ZNF157: variants seen among roughly 807,000 people sequenced by gnomAD.
ZNF157 encodes zinc finger protein 22.
In ZNF157, 8 loss-of-function variants were observed where a neutral mutation model predicts 9.4. That is an observed-to-expected ratio of 0.85 (90% CI 0.50 to 1.53). The LOEUF (loss-of-function observed/expected upper bound fraction) is 1.53, where lower values mean the gene tolerates loss of function less well. Among genes scored for constraint, ZNF157 ranks in the 40% most tolerant of loss-of-function variants. The pLI, the probability that ZNF157 is intolerant of heterozygous loss-of-function variation, is 0.00. For synonymous variants in ZNF157, 120 were observed against 130.8 expected (o/e 0.92, Z 0.56); for missense variants, 316 against 385.2 (o/e 0.82, Z 1.50).
chrX:47,403,949 C>T (rs1444139334), intron 1 of ZNF157, among the ~76,000 whole-genome samples: 1 of 111,008 alleles, frequency 9.0e-6, no homozygotes, highest in Admixed American at 9.6e-5. Context: ...GCGGGCAGAT[C>T]ACTTGAGGTC....
At chrX:47,410,908 G>A (rs1440854888) in intron 3 of ZNF157, 133 bp downstream of exon 3, 2 of 501,247 alleles carry the variant, frequency 4.0e-6, no homozygotes, top group Non-Finnish European at 6.6e-6. Flanking sequence ...TGAAAATAAG[G>A]ACGGAAGGTC....
At chrX:47,389,365 T>C (rs1029940987) in intron 1 of ZNF157, among the ~76,000 whole-genome samples, 6 of 106,799 alleles carry the variant, frequency 5.6e-5, no homozygotes, top group African/African-American at 1.7e-4. Context: ...TTTTTTTTTT[T>C]CCAAGACAGA....
In ZNF157 at chrX:47,412,448, G is replaced by A. The variant is rs374036718; in HGVS notation, c.375G>A (p.Gln125=). 1 of 1,211,995 alleles carries A rather than the reference G, an allele frequency of 8.3e-7. No individual in the cohort carries two copies. The change falls in exon 4 of 4, where the codon CAG becomes CAA. Residue 125 remains glutamine, a synonymous_variant. Coordinates refer to ENST00000377073, the MANE Select transcript of ZNF157 (RefSeq NM_003446.4). ...LRHDNDLLHH[Q]KIQTLDQNVE... ...ATGATAATGACCTTCTTCACCATCA[G>A]AAGATTCAAACATTGGATCAAAATG...
chrX:47,406,279 T>C (rs938345506), intron 1 of ZNF157, among the ~76,000 whole-genome samples: 2 of 110,189 alleles, frequency 1.8e-5, no homozygotes, highest in Non-Finnish European at 3.8e-5. Flanking sequence ...TTATTCGCGT[T>C]ACTGTTAAGC....
chrX:47,407,843 G>A (rs1392722784), intron 1 of ZNF157, among the ~76,000 whole-genome samples: 4 of 110,137 alleles, frequency 3.6e-5, no homozygotes, highest in Admixed American at 9.8e-5. Context: ...CTTTAAACTG[G>A]AAATGGCACT....
At chrX:47,411,538 AT>A (rs750474809) in intron 3 of ZNF157, among the ~76,000 whole-genome samples, 14 of 101,981 alleles carry the variant, frequency 1.4e-4, no homozygotes, top group East Asian at 3.1e-4. Context: ...TATTATTATT[AT>A]TTTTTTTTTG....
intron 1 of ZNF157, among the ~76,000 whole-genome samples, chrX:47,379,676 C>G (rs1355305893): frequency 9.6e-6 from 1 of 104,677 alleles, no homozygotes; most frequent in African/African-American, 3.5e-5. Flanking sequence ...CTTGGCCTCC[C>G]AGTTTTGAGT....
chrX:47,400,065 C>T (rs1479087609), intron 1 of ZNF157, among the ~76,000 whole-genome samples: 1 of 100,881 alleles, frequency 9.9e-6, no homozygotes, highest in Non-Finnish European at 2.0e-5. Context: ...GGCGCAATTT[C>T]GGCTCACCAC....
At chrX:47,408,095 G>A (rs2055952636) in intron 1 of ZNF157, among the ~76,000 whole-genome samples, 1 of 107,385 alleles carries the variant, frequency 9.3e-6, no homozygotes, top group South Asian at 3.8e-4. Flanking sequence ...CAAAGAGGAA[G>A]AAGGAAGAAA....
intron 1 of ZNF157, among the ~76,000 whole-genome samples, chrX:47,375,056 A>C (rs2147399640): frequency 1.4e-5 from 1 of 71,066 alleles, no homozygotes; most frequent in Non-Finnish European, 2.4e-5. Context: ...TTGCTCTGTC[A>C]CCCAGGCTGG....
chrX:47,375,393 C>T (rs1194343630), intron 1 of ZNF157, among the ~76,000 whole-genome samples: 1 of 102,220 alleles, frequency 9.8e-6, no homozygotes, highest in Non-Finnish European at 1.9e-5. Context: ...GTCACCTCCT[C>T]AACCCCCCCC....
chrX:47,385,437 A>G lies in ZNF157; in HGVS notation c.72+14697A>G, dbSNP rs765343246. Among the ~76,000 whole-genome samples the G allele has an allele frequency of 3.3e-4, 37 of 110,922 alleles. 1 individual carries two copies. The Admixed American group carries it at 3.4e-3, about 10-fold the overall frequency. ...GATTTTACGGTGTTACTCTAAGTCCAGTCCACCTAGCATTTCCAGTTGAGC... is the reference window on the plus strand; with the variant it reads ...GATTTTACGGTGTTACTCTAAGTCCGGTCCACCTAGCATTTCCAGTTGAGC... On this transcript the variant is annotated intron_variant, in intron 1 of 3. Coordinates refer to ENST00000377073, the MANE Select transcript of ZNF157 (RefSeq NM_003446.4).
intron 1 of ZNF157, among the ~76,000 whole-genome samples, chrX:47,375,548 G>T (rs1209948633): frequency 9.0e-6 from 1 of 111,056 alleles, no homozygotes; most frequent in Non-Finnish European, 1.9e-5. Context: ...GTACATAGGG[G>T]TTTTGGCAAA....
chrX:47,382,117 GA>G (rs2055865103), intron 1 of ZNF157, among the ~76,000 whole-genome samples: 1 of 109,355 alleles, frequency 9.1e-6, no homozygotes, highest in Admixed American at 9.9e-5. Context: ...TGTGAGAGGG[GA>G]TAGAATAGTC....
chrX:47,378,568 C>T (rs774540565), intron 1 of ZNF157, among the ~76,000 whole-genome samples: 3 of 112,139 alleles, frequency 2.7e-5, no homozygotes, highest in East Asian at 5.6e-4. Flanking sequence ...TCACGCTGGG[C>T]GCGGTGGCTC....
chrX:47,407,536 C>A (rs777345820), intron 1 of ZNF157, among the ~76,000 whole-genome samples: 6 of 111,828 alleles, frequency 5.4e-5, no homozygotes, highest in African/African-American at 1.9e-4. Context: ...TTGTCTGTTT[C>A]TCTTTGGGTA....
Position 47,413,260 on chromosome X carries a change from A to G in ZNF157, c.1187A>G (p.Tyr396Cys), listed in dbSNP as rs762720951. ...YECNECGNAFYVKARLIEHQR... is the reference protein window; with the variant it reads ...YECNECGNAFCVKARLIEHQR... ...TGTAATGAGTGTGGTAATGCTTTCT[A>G]TGTGAAAGCACGCCTAATTGAACAT... Residue 396 changes from tyrosine (Y) to cysteine (C), a missense_variant, in exon 4 of 4, where the codon TAT becomes TGT. This residue lies in a region of ZNF157 where 167 missense variants were observed against 183.6 expected (regional missense o/e 0.91). Transcript: ENST00000377073. 7.4e-6 allele frequency: 9 copies of G among 1,209,922 alleles called. No homozygotes were observed. The highest frequency in any genetic ancestry group is 8.9e-6 in the Non-Finnish European group (8 of 895,082).
chrX:47,412,568 T>C lies in ZNF157; in HGVS notation c.495T>C (p.His165=). ...TPRGDKNFEC[H]ECGKAYCRKS... ...GAGGAGATAAAAACTTTGAATGTCA[T>C]GAATGTGGGAAAGCTTACTGTAGGA... is the stretch of plus-strand genomic sequence containing the variant. Residue 165 remains histidine (H), a synonymous_variant, in exon 4 of 4, where the codon CAT becomes CAC. Coordinates refer to ENST00000377073, the MANE Select transcript of ZNF157 (RefSeq NM_003446.4). 8.2e-7 allele frequency: 1 copy of C among 1,212,155 alleles called. No homozygotes were observed. Among genetic ancestry groups the C allele is most frequent in the Non-Finnish European group, 1.1e-6 (1 of 895,609 alleles).
chrX:47,382,842 A>G (rs1329762292), intron 1 of ZNF157, among the ~76,000 whole-genome samples: 3 of 109,874 alleles, frequency 2.7e-5, no homozygotes, highest in Non-Finnish European at 5.7e-5. Flanking sequence ...GAATATGCCC[A>G]TTACCCAGGC....
Sources: gnomAD v4.1 joint callset for allele counts (sites outside exome capture counted in the v4.1 genomes callset) on GRCh38, gnomAD v4.1.1 for gene constraint, gnomAD v4.1.1 regional missense constraint, MANE v1.5 for transcripts, NCBI Gene and HGNC (gene_info 2026-07-23, HGNC 2026-07-21) for gene names.